The following SLC35F4 variants were observed in gnomAD, a reference collection of about 807,000 sequenced individuals.
The protein encoded by SLC35F4 is chromosome 14 open reading frame 36.
A neutral mutation model predicts 44.2 loss-of-function variants in SLC35F4; 24 were observed. That is an observed-to-expected ratio of 0.54 (90% CI 0.39 to 0.76). SLC35F4 has a LOEUF of 0.76. SLC35F4 is among the 30% of genes least tolerant of loss of function. The pLI, the probability that SLC35F4 is intolerant of heterozygous loss-of-function variation, is 0.00. For missense variants in SLC35F4, 562 were observed against 586.1 expected (o/e 0.96, Z 0.42); for synonymous variants, 238 against 223.6 (o/e 1.06, Z -0.57).
chr14:57,611,418 G>T (rs751056294), intron 1 of SLC35F4, among the ~76,000 whole-genome samples: 30 of 152,072 alleles, frequency 2.0e-4, no homozygotes, highest in Non-Finnish European at 3.5e-4. Flanking sequence ...CTCTAAAGCT[G>T]TGAGTATAGA....
chr14:57,758,658 C>T (rs1227195720), intron 1 of SLC35F4, among the ~76,000 whole-genome samples: 2 of 151,970 alleles, frequency 1.3e-5, no homozygotes, highest in Non-Finnish European at 2.9e-5. Flanking sequence ...GGATTTTTCT[C>T]TTTATTATGG....
chr14:57,793,003 G>T (rs542206078), intron 1 of SLC35F4, among the ~76,000 whole-genome samples: 1 of 151,816 alleles, frequency 6.6e-6, no homozygotes, highest in Non-Finnish European at 1.5e-5. Flanking sequence ...TAAATTAAAA[G>T]CACTCAGCAA....
intron 1 of SLC35F4, among the ~76,000 whole-genome samples, chr14:57,647,741 C>G (rs2073601475): frequency 6.6e-6 from 1 of 152,064 alleles, no homozygotes; most frequent in Non-Finnish European, 1.5e-5. Flanking sequence ...TAGAAATAAC[C>G]CTGCTAAGTC....
chr14:57,828,228 A>G (rs1461538407), intron 1 of SLC35F4, among the ~76,000 whole-genome samples: 2 of 152,134 alleles, frequency 1.3e-5, no homozygotes, highest in East Asian at 3.8e-4. Flanking sequence ...CCCCAGATCC[A>G]ATGCCAGAGA....
At chr14:57,938,663 T>G (rs2141071439) in intron 1 of SLC35F4, among the ~76,000 whole-genome samples, 1 of 152,276 alleles carries the variant, frequency 6.6e-6, no homozygotes, top group East Asian at 1.9e-4. Context: ...ACTTAACACA[T>G]GAAGATTTTG....
exon 2 of SLC35F4, chr14:57,976,956 A>T (rs1271256909): frequency 6.6e-6 from 1 of 152,120 alleles, no homozygotes. Context: ...TACCAATTAC[A>T]CCTAGGGAGC....
At chr14:57,770,722 G>A (rs1595013422) in intron 1 of SLC35F4, among the ~76,000 whole-genome samples, 1 of 152,098 alleles carries the variant, frequency 6.6e-6, no homozygotes, top group South Asian at 2.1e-4. Context: ...AATTTCATAT[G>A]TGCCTTTCTC....
chr14:57,825,273 C>T (rs572533203), intron 1 of SLC35F4, among the ~76,000 whole-genome samples: 23 of 152,196 alleles, frequency 1.5e-4, no homozygotes, highest in African/African-American at 5.3e-4. Context: ...AGCAAAAATG[C>T]TTAAGCCTTA....
intron 1 of SLC35F4, among the ~76,000 whole-genome samples, chr14:57,895,490 C>G (rs530041564): frequency 6.6e-6 from 1 of 152,084 alleles, no homozygotes; most frequent in South Asian, 2.1e-4. Context: ...GGAAGATTTC[C>G]CCCTTGCTGT....
At chr14:57,783,924 A>T (rs149877633) in intron 1 of SLC35F4, among the ~76,000 whole-genome samples, 3 of 152,228 alleles carry the variant, frequency 2.0e-5, no homozygotes, top group African/African-American at 7.2e-5. Context: ...AAAATCTAGG[A>T]TTACATTATA....
In SLC35F4 at chr14:57,750,693, T is replaced by C. The variant is rs1669583503; in HGVS notation, c.103+115030A>G. 3.3e-5 allele frequency among the ~76,000 whole-genome samples: 5 copies of C among 152,236 alleles called. No individual in the cohort carries two copies. In the South Asian group the frequency reaches 1.0e-3, roughly 32 times the overall value. Reference sequence around the variant, plus strand: ...TATGTCTTCTTTTGAGAAATGTCTATTCGTGTCCTTGGCCTGCTTTTTAAT... The same window carrying C: ...TATGTCTTCTTTTGAGAAATGTCTACTCGTGTCCTTGGCCTGCTTTTTAAT... On this transcript the variant is annotated intron_variant, in intron 1 of 7. Coordinates refer to ENST00000556826, the MANE Select transcript of SLC35F4 (RefSeq NM_001306087.2).
intron 1 of SLC35F4, among the ~76,000 whole-genome samples, chr14:57,736,220 C>T (rs907665050): frequency 2.0e-5 from 3 of 152,226 alleles, no homozygotes; most frequent in Admixed American, 6.5e-5. Flanking sequence ...CTCTAAGAGT[C>T]GAAATCTAAG....
At chr14:57,726,097 A>T (rs1055170219) in intron 1 of SLC35F4, among the ~76,000 whole-genome samples, 1 of 152,154 alleles carries the variant, frequency 6.6e-6, no homozygotes, top group Non-Finnish European at 1.5e-5. Context: ...GGGGTGATTG[A>T]CCCAGACTAT....
chr14:57,678,858 G>A (rs1165341842), intron 1 of SLC35F4, among the ~76,000 whole-genome samples: 1 of 152,012 alleles, frequency 6.6e-6, no homozygotes, highest in Non-Finnish European at 1.5e-5. Flanking sequence ...CAATACAGGA[G>A]CACCCAGATT....
intron 1 of SLC35F4, among the ~76,000 whole-genome samples, chr14:57,735,200 T>C (rs1026301544): frequency 6.6e-6 from 1 of 152,226 alleles, no homozygotes; most frequent in Non-Finnish European, 1.5e-5. Context: ...ATATTGTGTT[T>C]TGCTGTTCCT....
intron 1 of SLC35F4, among the ~76,000 whole-genome samples, chr14:57,717,640 A>G (rs2075978050): frequency 6.6e-6 from 1 of 152,226 alleles, no homozygotes; most frequent in African/African-American, 2.4e-5. Flanking sequence ...CGTCTCAAAA[A>G]AAGAGTTTTT....
chr14:57,943,950 C>T (rs528715754), intron 1 of SLC35F4, among the ~76,000 whole-genome samples: 1 of 152,222 alleles, frequency 6.6e-6, no homozygotes, highest in South Asian at 2.1e-4. Flanking sequence ...TTCTGGACCA[C>T]GCCAATGGGA....
At chr14:57,741,674 T>C (rs1240245034) in intron 1 of SLC35F4, among the ~76,000 whole-genome samples, 1 of 152,132 alleles carries the variant, frequency 6.6e-6, no homozygotes, top group Non-Finnish European at 1.5e-5. Context: ...CAGGATATTA[T>C]CCAGGAGAAC....
At chr14:57,797,053 T>C (rs1399265627) in intron 1 of SLC35F4, among the ~76,000 whole-genome samples, 1 of 152,214 alleles carries the variant, frequency 6.6e-6, no homozygotes, top group Non-Finnish European at 1.5e-5. Context: ...ACAGAACAGC[T>C]TTCAGAAGCA....
Sources: allele counts gnomAD v4.1 joint callset (sites outside exome capture counted in the v4.1 genomes callset), GRCh38; gene constraint gnomAD v4.1.1; transcripts MANE v1.5; gene names NCBI Gene and HGNC (gene_info 2026-07-23, HGNC 2026-07-21).